The following PTPN13 variants were observed in gnomAD, a reference collection of about 807,000 sequenced individuals.
PTPN13 encodes protein tyrosine phosphatase non-receptor type 13, also known as tyrosine-protein phosphatase non-receptor type 13.
A neutral mutation model predicts 284.0 loss-of-function variants in PTPN13; 191 were observed. That is an observed-to-expected ratio of 0.67 (90% CI 0.60 to 0.76). The LOEUF is 0.76. Among genes scored for constraint, PTPN13 ranks in the 30% least tolerant of loss-of-function variants. The pLI is 0.00. For missense variants in PTPN13, 2,797 were observed against 2,939.9 expected, an observed-to-expected ratio of 0.95 and a Z score of 1.12; for synonymous variants, 986 against 1,022.3, an observed-to-expected ratio of 0.96 and a Z score of 0.68.
intron 42 of PTPN13, among the ~76,000 whole-genome samples, chr4:86,800,859 G>T (rs975170480): frequency 6.6e-6 from 1 of 152,170 alleles, no homozygotes; most frequent in Admixed American, 6.5e-5. Flanking sequence ...AGTTCCTGTT[G>T]CACTGACATG....
intron 46 of PTPN13, 111 bp from the exon 47 acceptor site, chr4:86,810,935 G>A: frequency 1.1e-6 from 1 of 943,058 alleles, no homozygotes; most frequent in Non-Finnish European, 1.6e-6. Context: ...CTACCAGAAG[G>A]GGAAGAAGAG....
intron 7 of PTPN13, among the ~76,000 whole-genome samples, chr4:86,703,120 T>C (rs1731340461): frequency 6.6e-6 from 1 of 152,114 alleles, no homozygotes; most frequent in African/African-American, 2.4e-5. Context: ...GAGGAAATTA[T>C]TGAATAGTTA....
Position 86,734,890 on chromosome 4 carries a change from T to C in PTPN13, c.2151+15T>C. ...ATCAACCAGAGGTAGGATTTGTGTT[T>C]TTTTCCAGGACCATTTTTGTTTGGT... On this transcript the variant is annotated intron_variant, in intron 14 of 47. Transcript: ENST00000411767. 6.2e-7 allele frequency: 1 copy of C among 1,605,814 alleles called. No homozygotes were observed. Among genetic ancestry groups the C allele is most frequent in the Non-Finnish European group, 8.5e-7 (1 of 1,173,870 alleles).
chr4:86,744,559 A>C (rs1340551636), intron 16 of PTPN13, among the ~76,000 whole-genome samples: 2 of 152,214 alleles, frequency 1.3e-5, no homozygotes, highest in East Asian at 3.9e-4. Flanking sequence ...TTTTTCAGTC[A>C]ACAACTGACC....
chr4:86,751,119 T>C lies in PTPN13; in HGVS notation c.3161T>C (p.Val1054Ala). The C allele has an allele frequency of 6.3e-7, 1 of 1,586,194 alleles. No individual in the cohort carries two copies. The highest frequency in any genetic ancestry group is 8.7e-7 in the Non-Finnish European group (1 of 1,155,760). ...ATTGAAGACCCTGGGCAAGCATATG[T>C]TCTAGGTCAGCAAAAACAAGCTTAC... ...SSIEDPGQAY[V>A]LGMTMHSSGN... Residue 1054 changes from valine to alanine, a missense_variant, in exon 19 of 48, where the codon GTT (valine) becomes GCT (alanine). Physicochemically the swap from Val to Ala is moderately conservative, Grantham distance 64. Transcript: ENST00000411767.
chr4:86,688,801 G>A (rs534901416), intron 4 of PTPN13, among the ~76,000 whole-genome samples: 4 of 152,192 alleles, frequency 2.6e-5, no homozygotes, highest in African/African-American at 4.8e-5. Context: ...TTCTAGGGAA[G>A]TATAAGTTAA....
intron 2 of PTPN13, among the ~76,000 whole-genome samples, chr4:86,655,317 A>G (rs1565244165): frequency 2.6e-5 from 4 of 152,076 alleles, no homozygotes; most frequent in Non-Finnish European, 4.4e-5. Flanking sequence ...TCGTTAGTTG[A>G]TGCAGTTTCT....
At chr4:86,699,546 A>G (rs1270928397) in intron 6 of PTPN13, among the ~76,000 whole-genome samples, 4 of 152,180 alleles carry the variant, frequency 2.6e-5, no homozygotes, top group African/African-American at 9.7e-5. Flanking sequence ...AGGAAAAGTG[A>G]AACAGTCATT....
chr4:86,677,248 C>A (rs561205114), intron 3 of PTPN13, among the ~76,000 whole-genome samples: 1 of 151,238 alleles, frequency 6.6e-6, no homozygotes, highest in African/African-American at 2.4e-5. Context: ...ACCTGGGCAA[C>A]AGAGCAAGAC....
chr4:86,798,272 C>T (rs1355572626), intron 41 of PTPN13, among the ~76,000 whole-genome samples: 1 of 152,182 alleles, frequency 6.6e-6, no homozygotes, highest in Non-Finnish European at 1.5e-5. Context: ...CTTTCCCAGA[C>T]ATTTCATGGA....
rs1204935559 is a variant in PTPN13 at position 86,745,115 on chromosome 4, T to C, written c.2637T>C (p.Asp879=). The change falls in exon 17 of 48, where the codon GAT becomes GAC. Residue 879 remains aspartate, a synonymous_variant. Coordinates refer to ENST00000411767, the MANE Select transcript of PTPN13 (RefSeq NM_080683.3). ...TGAGAGCAAGACAGAGCAACCAAGA[T>C]GCCCAAGATATTGGTAAGGAGAAGC... ...LQMRARQSNQ[D]AQDIERASFR... is the part of the protein sequence containing the mutation. The C allele has an allele frequency of 6.2e-7, 1 of 1,610,148 alleles. No homozygotes were observed. The highest frequency in any genetic ancestry group is 1.3e-5 in the African/African-American group (1 of 74,744).
At chr4:86,713,319 T>C (rs932433741) in intron 7 of PTPN13, among the ~76,000 whole-genome samples, 1 of 152,116 alleles carries the variant, frequency 6.6e-6, no homozygotes, top group Non-Finnish European at 1.5e-5. Context: ...ATAAAACAAA[T>C]GTACTTTGGT....
chr4:86,629,851 G>C (rs1201583986), intron 1 of PTPN13, among the ~76,000 whole-genome samples: 1 of 151,920 alleles, frequency 6.6e-6, no homozygotes, highest in East Asian at 1.9e-4. Context: ...CCACCTCCCA[G>C]GCTCAAGCAA....
At chr4:86,745,540 G>C (rs1301532479) in intron 17 of PTPN13, among the ~76,000 whole-genome samples, 1 of 152,144 alleles carries the variant, frequency 6.6e-6, no homozygotes, top group Non-Finnish European at 1.5e-5. Flanking sequence ...ACTTTGGGAG[G>C]CTGAGGCGGG....
intron 6 of PTPN13, among the ~76,000 whole-genome samples, chr4:86,695,657 T>C (rs1296652645): frequency 6.6e-6 from 1 of 151,998 alleles, no homozygotes; most frequent in Non-Finnish European, 1.5e-5. Flanking sequence ...TCTCTTTCTT[T>C]GCTCTCTCCA....
Position 86,807,821 on chromosome 4 carries a change from G to T in PTPN13, c.7007G>T (p.Arg2336Ile), listed in dbSNP as rs373473879. The change falls in exon 45 of 48, where the codon AGA (arginine) becomes ATA (isoleucine). Residue 2336 changes from arginine (R) to isoleucine (I), a missense_variant. Transcript: ENST00000411767. ...GGCAAAACAACAATGGTCAGCAACAGACTTCGACTGGCTCTTGTGAGAATG... is the reference window on the plus strand; with the variant it reads ...GGCAAAACAACAATGGTCAGCAACATACTTCGACTGGCTCTTGTGAGAATG... The part of the protein sequence containing the change: ...ILGKTTMVSN[R>I]LRLALVRMQQ... 74 of 1,613,910 alleles carry T rather than the reference G, an allele frequency of 4.6e-5. No individual in the cohort carries two copies. Among genetic ancestry groups the T allele is most frequent in the Non-Finnish European group, 6.1e-5 (72 of 1,179,900 alleles).
intron 15 of PTPN13, among the ~76,000 whole-genome samples, chr4:86,736,284 A>G (rs1454591939): frequency 6.6e-6 from 1 of 152,212 alleles, no homozygotes; most frequent in East Asian, 1.9e-4. Context: ...AGCTTTCTAT[A>G]TGACCTTAGA....
At chr4:86,808,042 T>G in intron 45 of PTPN13, 145 bp downstream of exon 45, 2 of 699,296 alleles carry the variant, frequency 2.9e-6, no homozygotes, top group Non-Finnish European at 4.6e-6. Flanking sequence ...TAATGCTAGC[T>G]ATTTTTTCTT....
intron 1 of PTPN13, among the ~76,000 whole-genome samples, chr4:86,628,646 TC>T (rs370960009): frequency 0.22 from 21,628 of 99,010 alleles, 2,538 homozygotes; most frequent in East Asian, 0.32. Flanking sequence ...ATGCTATCCC[TC>T]CCCCCTCCCC....
Sources: gnomAD v4.1 joint callset for allele counts (sites outside exome capture counted in the v4.1 genomes callset) on GRCh38, gnomAD v4.1.1 for gene constraint, MANE v1.5 for transcripts, NCBI Gene and HGNC (gene_info 2026-07-23, HGNC 2026-07-21) for gene names.